MAP3K11: variants seen among roughly 807,000 people sequenced by gnomAD.
MAP3K11 encodes mitogen-activated protein kinase kinase kinase 11.
In MAP3K11, 46 loss-of-function variants were observed where a neutral mutation model predicts 84.9. The observed-to-expected ratio is 0.54, with a 90% CI of 0.43 to 0.69. The LOEUF (loss-of-function observed/expected upper bound fraction) is 0.69, where lower values mean the gene tolerates loss of function less well. Among genes scored for constraint, MAP3K11 ranks in the 30% least tolerant of loss-of-function variants. The pLI is 0.00. For missense variants in MAP3K11, 1,053 were observed against 1,198.3 expected (o/e 0.88, Z 1.79); for synonymous variants, 527 against 514.7 (o/e 1.02, Z -0.32).
intron 8 of MAP3K11, among the ~76,000 whole-genome samples, chr11:65,602,645 CA>C (rs768976919): frequency 1.1e-3 from 144 of 132,120 alleles, no homozygotes; most frequent in Non-Finnish European, 1.4e-3. Flanking sequence ...CACTTCATCT[CA>C]AAAAAAAAAA....
At position 65,606,749 on chromosome 11, in the gene MAP3K11, G is replaced by A. The variant is rs1362701390; in HGVS notation, c.1545C>T (p.Asn515=). 5 of 1,605,802 alleles carry A rather than the reference G, an allele frequency of 3.1e-6. No individual in the cohort carries two copies. The highest frequency in any genetic ancestry group is 2.3e-5 in the East Asian group (1 of 43,898). ...QASPGLDRRR[N]VFEVGPGDSP... ...AATCCCCAGGCCCGACCTCGAAGAC[G>A]TTTCTCCTCCGGTCAAGGCCGGGTG... Residue 515 remains asparagine (N), a synonymous_variant, in exon 6 of 10, where the codon AAC becomes AAT. Transcript: ENST00000309100.
rs1352475109 is a variant in MAP3K11, at chr11:65,599,521, G to A, written c.2079C>T (p.Ser693=). ...PAPCPTEPPP[S]PLICFSLKTP... ...TCTTGAGCGAGAAGCAGATGAGCGG[G>A]GAAGGGGGCGGCTCGGTCGGGCAGG... Residue 693 remains serine, a synonymous_variant, in exon 9 of 10, where the codon TCC becomes TCT. Transcript: ENST00000309100. The A allele has an allele frequency of 2.0e-6, 3 of 1,494,790 alleles. No individual in the cohort carries two copies. The highest frequency in any genetic ancestry group is 2.7e-6 in the Non-Finnish European group (3 of 1,128,172). The allele number at this position is 1,494,790 out of a possible 1,614,324, so 92.6% of individuals were successfully genotyped here.
chr11:65,608,195 C>G (rs530869395), intron 2 of MAP3K11, 73 bp downstream of exon 2: 103 of 1,590,928 alleles, frequency 6.5e-5, no homozygotes, highest in Non-Finnish European at 5.2e-6. Flanking sequence ...CTTGGCCCAG[C>G]CCTAGATTTA....
chr11:65,602,463 T>C (rs1010006431), intron 8 of MAP3K11, among the ~76,000 whole-genome samples: 2 of 152,062 alleles, frequency 1.3e-5, no homozygotes, highest in African/African-American at 4.8e-5. Flanking sequence ...CTGGTCAACA[T>C]GGTGAAACCT....
chr11:65,612,948 C>T, intron 1 of MAP3K11, 70 bp downstream of exon 1: 1 of 1,483,510 alleles, frequency 6.7e-7, no homozygotes, highest in Non-Finnish European at 8.9e-7. Flanking sequence ...CTAAGCTAGG[C>T]TCAGTGGAAG....
In MAP3K11 at chr11:65,613,568, C is replaced by A; in HGVS notation, c.189G>T (p.Arg63Ser). 3.1e-6 allele frequency: 5 copies of A among 1,612,756 alleles called. No individual in the cohort carries two copies. The highest frequency in any genetic ancestry group is 4.2e-6 in the Non-Finnish European group (5 of 1,179,704). Residue 63 changes from arginine (R) to serine (S), a missense_variant, in exon 1 of 10, where the codon AGG (arginine) becomes AGT (serine). Physicochemically the swap from Arg to Ser is moderately radical, Grantham distance 110. Around this residue, in one of 3 missense-constraint regions of MAP3K11, gnomAD observed 160 missense variants for 167.3 expected, o/e 0.96. Transcript: ENST00000309100. Reference protein sequence around the residue: ...EPSGQDELALRKGDRVEVLSR... With the variant: ...EPSGQDELALSKGDRVEVLSR... ...ACAGCACCTCCACACGGTCACCCTT[C>A]CTCAGGGCCAGCTCATCCTGCCCAC... is the stretch of plus-strand genomic sequence containing the variant.
At position 65,608,003 on chromosome 11, in the gene MAP3K11, C is replaced by G; in HGVS notation, c.988G>C (p.Val330Leu). 1 of 1,614,208 alleles carries G rather than the reference C, an allele frequency of 6.2e-7. No individual in the cohort carries two copies. The highest frequency in any genetic ancestry group is 8.5e-7 in the Non-Finnish European group (1 of 1,180,040). Residue 330 changes from valine (V) to leucine (L), a missense_variant, in exon 3 of 10, where the codon GTG becomes CTG. By Grantham distance (32) the Val-to-Leu change is conservative. Transcript: ENST00000309100. The stretch of plus-strand genomic sequence containing the variant: ...TTGTTAACAGCTACGCCATAGGCCA[C>G]AGCAAGGCAGTCAATGCCACGGTAT... ...VPYRGIDCLA[V>L]AYGVAVNKLT...
chr11:65,601,765 AAAAAGCAAATTCTTGTTTGATGAAGAAT>A (rs1443890246), intron 8 of MAP3K11, among the ~76,000 whole-genome samples: 4 of 151,950 alleles, frequency 2.6e-5, no homozygotes, highest in Non-Finnish European at 5.9e-5. Flanking sequence ...CAAAAAAAAA[AAAAAGCAAATTCTTGTTTGATGAAGAAT>A]CCATTTTTAT....
chr11:65,601,749 C>T (rs1854457977), intron 8 of MAP3K11, among the ~76,000 whole-genome samples: 1 of 137,496 alleles, frequency 7.3e-6, no homozygotes, highest in African/African-American at 2.6e-5. Context: ...GAGCGAGACT[C>T]CGTCTCAAAA....
At chr11:65,606,250 G>T (rs989830436) in intron 6 of MAP3K11, 169 bp from the exon 7 acceptor site, 14 of 668,450 alleles carry the variant, frequency 2.1e-5, no homozygotes, top group Non-Finnish European at 3.0e-5. Context: ...CCAACAGTGG[G>T]GTGGGGCATC....
chr11:65,603,096 C>CT (rs1358022165), intron 8 of MAP3K11, among the ~76,000 whole-genome samples: 1 of 152,108 alleles, frequency 6.6e-6, no homozygotes, highest in Non-Finnish European at 1.5e-5. Flanking sequence ...GAATGAGACT[C>CT]TATCTTTAAA....
In MAP3K11 at chr11:65,613,804, C is replaced by T. The variant is rs752259089; in HGVS notation, c.-48G>A. On this transcript the variant is annotated 5_prime_UTR_variant, in exon 1 of 10. Coordinates refer to ENST00000309100, the MANE Select transcript of MAP3K11 (RefSeq NM_002419.4). The stretch of plus-strand genomic sequence containing the variant: ...GTGTGGAGGACCTTCTCTGGGTGCC[C>T]GTGGTCCCCACCCCCGCTGGCTGCC... The T allele has an allele frequency of 4.3e-5, 63 of 1,476,458 alleles. No individual in the cohort carries two copies. The South Asian group carries it at 6.3e-4, about 15-fold the overall frequency. 91.5% of individuals were successfully genotyped at this position (1,476,458 alleles called of 1,614,324 possible).
At chr11:65,603,070 T>G (rs1433974911) in intron 8 of MAP3K11, among the ~76,000 whole-genome samples, 1 of 152,130 alleles carries the variant, frequency 6.6e-6, no homozygotes, top group Non-Finnish European at 1.5e-5. Context: ...GCCATTGCAG[T>G]CCAGCCTGGG....
chr11:65,606,185 C>T (rs1297420639), intron 6 of MAP3K11, 104 bp from the exon 7 acceptor site: 3 of 1,306,038 alleles, frequency 2.3e-6, no homozygotes, highest in Non-Finnish European at 3.0e-6. Flanking sequence ...AGGCTGGGCC[C>T]TGTACCATTC....
rs963102263 is a variant in MAP3K11, at chr11:65,606,594, G to A, written c.1603+97C>T. 7 of 871,734 alleles carry A rather than the reference G, an allele frequency of 8.0e-6. No individual in the cohort carries two copies. In the African/African-American group the frequency reaches 1.1e-4, roughly 13 times the overall value. 54.0% of individuals were successfully genotyped at this position (871,734 alleles called of 1,614,324 possible). Reference sequence around the variant, plus strand: ...CAGGGAGCCTGGGGGCGGGGAGGAAGAGGGGATAGTGAGTGGGCTCCGCCT... The same window carrying A: ...CAGGGAGCCTGGGGGCGGGGAGGAAAAGGGGATAGTGAGTGGGCTCCGCCT... On this transcript the variant is annotated intron_variant, in intron 6 of 9. Transcript: ENST00000309100.
intron 6 of MAP3K11, chr11:65,606,409 A>C (rs1318674171): frequency 2.4e-6 from 1 of 422,456 alleles, no homozygotes; most frequent in Non-Finnish European, 4.1e-6. Context: ...TTAAATTAAC[A>C]ACAAAAATAA....
chr11:65,603,337 AAGAT>A (rs1292130920), intron 8 of MAP3K11, among the ~76,000 whole-genome samples: 2 of 152,234 alleles, frequency 1.3e-5, no homozygotes, highest in Admixed American at 6.5e-5. Flanking sequence ...TCTTGACCCA[AAGAT>A]AGATAGATAG....
At position 65,613,858 on chromosome 11, in the gene MAP3K11, C is replaced by T. The variant is rs749738397; in HGVS notation, c.-102G>A. 4.3e-5 allele frequency: 56 copies of T among 1,316,074 alleles called. No homozygotes were observed. The highest frequency in any genetic ancestry group is 5.5e-5 in the Non-Finnish European group (55 of 991,150). The allele number at this position is 1,316,074 out of a possible 1,614,324, so 81.5% of individuals were successfully genotyped here. On this transcript the variant is annotated 5_prime_UTR_variant, in exon 1 of 10. Transcript: ENST00000309100. ...GCCCTAGTCCCGGAACCTGGGCATC[C>T]GGGCCCTGGCCCTCAGCCCCAGACC... is the stretch of plus-strand genomic sequence containing the variant.
Position 65,598,070 on chromosome 11 carries a change from G to A in MAP3K11, c.*221C>T, listed in dbSNP as rs1215200082. On this transcript the variant is annotated 3_prime_UTR_variant, in exon 10 of 10. Coordinates refer to ENST00000309100, the MANE Select transcript of MAP3K11 (RefSeq NM_002419.4). Reference sequence around the variant, plus strand: ...CTGGGTACAGTGTTGGGCCCCAGTAGGGCAGGTGAGCTGGGGGGACCTACA... The same window carrying A: ...CTGGGTACAGTGTTGGGCCCCAGTAAGGCAGGTGAGCTGGGGGGACCTACA... 3 of 406,150 alleles carry A rather than the reference G, an allele frequency of 7.4e-6. No homozygotes were observed. The allele number at this position is 406,150 out of a possible 1,614,324, so 25.2% of individuals were successfully genotyped here. A position where few individuals can be genotyped will look rare whatever the true frequency, so the allele number is the denominator to read the frequency against.
Sources: allele counts gnomAD v4.1 joint callset (sites outside exome capture counted in the v4.1 genomes callset), GRCh38; gene constraint gnomAD v4.1.1; regional missense constraint gnomAD v4.1.1; transcripts MANE v1.5; gene names NCBI Gene and HGNC (gene_info 2026-07-23, HGNC 2026-07-21).